DOCK4: variants seen among roughly 807,000 people sequenced by gnomAD.
DOCK4 encodes the protein dedicator of cytokinesis 4.
Under a neutral mutation model 268.1 loss-of-function variants are expected in DOCK4, and 97 were observed. That is an observed-to-expected ratio of 0.36 (90% confidence interval 0.31 to 0.43). The LOEUF (loss-of-function observed/expected upper bound fraction) is 0.43, where lower values mean the gene tolerates loss of function less well. DOCK4 is among the 20% of genes least tolerant of loss of function. The pLI is 1.00. For missense variants in DOCK4, 2,145 were observed against 2,455.7 expected, an observed-to-expected ratio of 0.87 and a Z score of 2.67; for synonymous variants, 954 against 887.2, an observed-to-expected ratio of 1.08 and a Z score of -1.34.
chr7:111,732,156 T>G (rs1795136333), intron 52 of DOCK4, 70 bp downstream of exon 52: 4 of 1,474,342 alleles, frequency 2.7e-6, no homozygotes, highest in Non-Finnish European at 3.8e-6. Context: ...TTTTGATATA[T>G]CTGGGATGAG....
chr7:111,810,512 A>G (rs1326965483), intron 28 of DOCK4, among the ~76,000 whole-genome samples: 1 of 152,130 alleles, frequency 6.6e-6, no homozygotes, highest in Admixed American at 6.5e-5. Context: ...ATGAATTTTG[A>G]TCAATAACTA....
chr7:111,790,543 G>A lies in DOCK4; in HGVS notation c.3229C>T (p.Pro1077Ser). Residue 1077 changes from proline to serine, a missense_variant, in exon 31 of 53, where the codon CCC becomes TCC. Transcript: ENST00000428084. ...IGPFLEVTLI[P>S]QPDLRNVMIP... The stretch of plus-strand genomic sequence containing the variant: ...ATGACATTCCGAAGATCTGGCTGGG[G>A]TATCAAGGTCACTTCTAGGAAGGGG... 3 of 1,613,906 alleles carry A rather than the reference G, an allele frequency of 1.9e-6. No homozygotes were observed. Among genetic ancestry groups the A allele is most frequent in the Non-Finnish European group, 2.5e-6 (3 of 1,179,854 alleles).
chr7:111,926,744 G>C lies in DOCK4; in HGVS notation c.1066+8796C>G, dbSNP rs867062611. On this transcript the variant is annotated intron_variant, in intron 12 of 52. Coordinates refer to ENST00000428084, the MANE Select transcript of DOCK4 (RefSeq NM_001363540.2). ...AGCTATTCAGGAGGCTGAGGCAGGG[G>C]AATCACTTGAACCCGGGAGGCAGAG... Among the ~76,000 whole-genome samples the C allele has an allele frequency of 2.1e-5, 3 of 144,564 alleles. No homozygotes were observed. In the South Asian group the frequency reaches 6.8e-4, roughly 33 times the overall value. The allele number at this position is 144,564 out of a possible 152,430, so 94.8% of individuals were successfully genotyped here.
At chr7:111,856,674 A>C (rs1377082752) in intron 23 of DOCK4, among the ~76,000 whole-genome samples, 11 of 152,208 alleles carry the variant, frequency 7.2e-5, no homozygotes, top group Admixed American at 7.2e-4. Flanking sequence ...ACACCTGGAA[A>C]GGGCTTCACC....
At chr7:112,046,133 A>G (rs1804801201) in intron 1 of DOCK4, among the ~76,000 whole-genome samples, 1 of 152,238 alleles carries the variant, frequency 6.6e-6, no homozygotes, top group Non-Finnish European at 1.5e-5. Flanking sequence ...TTTATTGGAT[A>G]TACTTGGCAT....
At chr7:111,883,645 G>A (rs920622381) in intron 16 of DOCK4, among the ~76,000 whole-genome samples, 3 of 152,158 alleles carry the variant, frequency 2.0e-5, no homozygotes, top group Non-Finnish European at 4.4e-5. Flanking sequence ...GAGTGAGGGT[G>A]TGATGGCTGT....
At chr7:112,066,685 A>G (rs1350515926) in intron 1 of DOCK4, among the ~76,000 whole-genome samples, 565 of 14,326 alleles carry the variant, frequency 0.039, 43 homozygotes, top group African/African-American at 0.18. Flanking sequence ...ACATATATAC[A>G]TATACATATA....
intron 1 of DOCK4, among the ~76,000 whole-genome samples, chr7:112,066,347 G>C (rs975170687): frequency 6.6e-6 from 1 of 151,944 alleles, no homozygotes; most frequent in Non-Finnish European, 1.5e-5. Flanking sequence ...TCCTGGTTCT[G>C]AGGCCTTTAG....
At chr7:112,167,351 G>A (rs370892376) in intron 1 of DOCK4, among the ~76,000 whole-genome samples, 4 of 152,130 alleles carry the variant, frequency 2.6e-5, no homozygotes, top group East Asian at 1.9e-4. Flanking sequence ...GCCTGTAGCC[G>A]GATGGCCTGA....
Position 111,895,730 on chromosome 7 carries a change from A to C in DOCK4, c.1481-12T>G, listed in dbSNP as rs1325937944. ...TCCTTTCTCCTTTGCTGTAAAAAAC[A>C]AATTACTTGCTTATTTAAGTGTATC... On this transcript the variant is annotated splice_polypyrimidine_tract_variant and intron_variant, in intron 15 of 52. Transcript: ENST00000428084. The C allele has an allele frequency of 5.6e-6, 9 of 1,610,364 alleles. No homozygotes were observed. Among genetic ancestry groups the C allele is most frequent in the Non-Finnish European group, 7.6e-6 (9 of 1,176,866 alleles).
intron 11 of DOCK4, among the ~76,000 whole-genome samples, chr7:111,937,195 G>A (rs1794811825): frequency 6.6e-6 from 1 of 152,130 alleles, no homozygotes. Context: ...ACTGTTCTTT[G>A]AGTCCCAGAA....
At chr7:111,754,310 C>T (rs1001194745) in intron 42 of DOCK4, among the ~76,000 whole-genome samples, 10 of 152,142 alleles carry the variant, frequency 6.6e-5, no homozygotes, top group African/African-American at 2.4e-4. Flanking sequence ...ACTTTTAAAT[C>T]CTTAGCTTAA....
chr7:111,756,793 A>C lies in DOCK4; in HGVS notation c.4330-1192T>G, dbSNP rs1256008226. Among the ~76,000 whole-genome samples the C allele has an allele frequency of 2.0e-5, 3 of 152,082 alleles. No homozygotes were observed. The East Asian group carries it at 5.8e-4, about 29-fold the overall frequency. ...ATGGAAGAGTTTCTTTGAGCCAGCC[A>C]AGCTGTGCTGAGATGAATAGGGCAG... is the stretch of plus-strand genomic sequence containing the variant. On this transcript the variant is annotated intron_variant, in intron 41 of 52. Transcript: ENST00000428084.
At chr7:112,177,277 T>C (rs773516347) in intron 1 of DOCK4, among the ~76,000 whole-genome samples, 11 of 152,200 alleles carry the variant, frequency 7.2e-5, no homozygotes, top group Non-Finnish European at 1.5e-4. Flanking sequence ...CTTAGGCAAG[T>C]AACCTTTCTA....
Position 112,049,084 on chromosome 7 carries a change from A to C in DOCK4, c.38-44953T>G, listed in dbSNP as rs1805118589. 2.0e-5 allele frequency among the ~76,000 whole-genome samples: 3 copies of C among 152,246 alleles called. No individual in the cohort carries two copies. The South Asian group carries it at 6.2e-4, about 31-fold the overall frequency. ...GCAGATGGAAATGTGGATGTACACA[A>C]AGCAATAAAGAGCACCAGAAGTCGT... On this transcript the variant is annotated intron_variant, in intron 1 of 52. Transcript: ENST00000428084.
chr7:111,983,860 G>GCACACACACACA (rs375791144), intron 7 of DOCK4, among the ~76,000 whole-genome samples: 8 of 128,924 alleles, frequency 6.2e-5, no homozygotes, highest in South Asian at 2.4e-4. Context: ...GCGCGCGCGC[G>GCACACACACACA]CGCACACACA....
chr7:111,895,414 C>T (rs1808661349), intron 16 of DOCK4, among the ~76,000 whole-genome samples, 198 bp downstream of exon 16: 1 of 152,150 alleles, frequency 6.6e-6, no homozygotes, highest in East Asian at 1.9e-4. Flanking sequence ...AGGATGAAAA[C>T]ATAAATCATC....
chr7:111,970,847 A>G (rs1245230658), intron 8 of DOCK4, among the ~76,000 whole-genome samples: 3 of 152,188 alleles, frequency 2.0e-5, no homozygotes, highest in Non-Finnish European at 4.4e-5. Context: ...ATGGGCCTCA[A>G]TCTTTAGTCA....
At chr7:111,883,850 C>T (rs1043194394) in intron 16 of DOCK4, among the ~76,000 whole-genome samples, 1 of 152,188 alleles carries the variant, frequency 6.6e-6, no homozygotes, top group African/African-American at 2.4e-5. Flanking sequence ...TAAACTCTAT[C>T]ACCCTTGCTC....
Sources: gnomAD v4.1 joint callset for allele counts (sites outside exome capture counted in the v4.1 genomes callset) on GRCh38, gnomAD v4.1.1 for gene constraint, MANE v1.5 for transcripts, NCBI Gene and HGNC (gene_info 2026-07-23, HGNC 2026-07-21) for gene names.